DSCAM: variants seen among roughly 807,000 people sequenced by gnomAD.
DSCAM encodes DS cell adhesion molecule.
Under a neutral mutation model 217.7 loss-of-function variants are expected in DSCAM, and 47 were observed. The observed-to-expected ratio is 0.22, with a 90% confidence interval of 0.17 to 0.28. The LOEUF (loss-of-function observed/expected upper bound fraction) is 0.28. DSCAM is among the 10% of genes least tolerant of loss of function. DSCAM has a pLI of 1.00. For synonymous variants in DSCAM, 1,056 were observed against 1,015.3 expected, an observed-to-expected ratio of 1.04 and a Z score of -0.76; for missense variants, 2,080 against 2,618.3, an observed-to-expected ratio of 0.79 and a Z score of 4.49.
At chr21:40,740,373 C>T (rs960626947) in intron 1 of DSCAM, among the ~76,000 whole-genome samples, 4 of 152,156 alleles carry the variant, frequency 2.6e-5, no homozygotes, top group African/African-American at 9.7e-5. Flanking sequence ...AAACTAACGG[C>T]AGCCCAGGTA....
At chr21:40,342,534 T>C (rs2074504192) in intron 6 of DSCAM, among the ~76,000 whole-genome samples, 1 of 150,830 alleles carries the variant, frequency 6.6e-6, no homozygotes, top group Non-Finnish European at 1.5e-5. Flanking sequence ...TAGGGATTAA[T>C]ACTCATTTTT....
intron 19 of DSCAM, among the ~76,000 whole-genome samples, chr21:40,129,161 T>C (rs984364789): frequency 2.0e-5 from 3 of 152,184 alleles, no homozygotes; most frequent in South Asian, 2.1e-4. Flanking sequence ...CATGTACATA[T>C]GTGGTACACC....
rs200386374 is a variant in DSCAM, at chr21:40,078,925, G to A, written c.4473C>T (p.Arg1491=). ...TCCAGCCAATGAGGTTCAGCCTCAC[G>A]CGTGTGGTGTTGATGCTGGCAAACA... ...QELFASINTT[R]VRLNLIGWND... is the part of the protein sequence containing the mutation. The change falls in exon 26 of 33, where the codon CGC becomes CGT. Residue 1491 remains arginine, a synonymous_variant. Coordinates refer to ENST00000400454, the MANE Select transcript of DSCAM (RefSeq NM_001389.5). 1.1e-4 allele frequency: 173 copies of A among 1,614,108 alleles called. No homozygotes were observed. The highest frequency in any genetic ancestry group is 2.7e-4 in the Admixed American group (16 of 60,012).
In DSCAM at chr21:40,839,461, C is replaced by T. The variant is rs145678774; in HGVS notation, c.43+7158G>A. Among the ~76,000 whole-genome samples the T allele has an allele frequency of 2.0e-3, 309 of 152,312 alleles. 2 individuals carry two copies. The highest frequency in any genetic ancestry group is 6.8e-3 in the Middle Eastern group (2 of 294). On this transcript the variant is annotated intron_variant, in intron 1 of 32. Coordinates refer to ENST00000400454, the MANE Select transcript of DSCAM (RefSeq NM_001389.5). Reference sequence around the variant, plus strand: ...CAGTGCTGCAAGTTCAATGTCCTCCCTTCACCTCCAGTCTTTTGTTCAGAC... The same window carrying T: ...CAGTGCTGCAAGTTCAATGTCCTCCTTTCACCTCCAGTCTTTTGTTCAGAC...
chr21:40,100,775 CTG>C (rs2089740164), intron 20 of DSCAM, among the ~76,000 whole-genome samples: 1 of 151,956 alleles, frequency 6.6e-6, no homozygotes, highest in Non-Finnish European at 1.5e-5. Flanking sequence ...AAGGAGAAAT[CTG>C]TGGGGAAGCA....
At chr21:40,797,364 C>G (rs533151771) in intron 1 of DSCAM, among the ~76,000 whole-genome samples, 1 of 152,110 alleles carries the variant, frequency 6.6e-6, no homozygotes, top group Non-Finnish European at 1.5e-5. Flanking sequence ...TGTTGCGAAA[C>G]CCAGTAGCAG....
intron 1 of DSCAM, among the ~76,000 whole-genome samples, chr21:40,816,863 A>G (rs938312365): frequency 6.6e-6 from 1 of 152,216 alleles, no homozygotes; most frequent in Admixed American, 6.5e-5. Context: ...AGTTTCCCCA[A>G]AATAAAGCTA....
chr21:40,693,956 C>T (rs530841811), intron 2 of DSCAM, among the ~76,000 whole-genome samples: 60 of 152,132 alleles, frequency 3.9e-4, no homozygotes, highest in Admixed American at 9.2e-4. Flanking sequence ...TGAGCAAATC[C>T]TCTCACCATC....
chr21:40,476,989 G>A (rs1869275423), intron 3 of DSCAM, among the ~76,000 whole-genome samples: 1 of 152,070 alleles, frequency 6.6e-6, no homozygotes, highest in Admixed American at 6.6e-5. Flanking sequence ...GTACAAATAA[G>A]TATATTTTAT....
At chr21:40,317,366 T>A (rs978007250) in intron 8 of DSCAM, among the ~76,000 whole-genome samples, 5 of 152,200 alleles carry the variant, frequency 3.3e-5, no homozygotes, top group Non-Finnish European at 4.4e-5. Flanking sequence ...AAAACTCTTG[T>A]ATGGAATTTA....
intron 3 of DSCAM, among the ~76,000 whole-genome samples, chr21:40,521,895 G>A (rs2076362244): frequency 6.6e-6 from 1 of 152,120 alleles, no homozygotes. Context: ...CTGAGGTGAT[G>A]GATATGCTAA....
At chr21:40,660,107 G>A (rs2090123092) in intron 3 of DSCAM, among the ~76,000 whole-genome samples, 3 of 152,192 alleles carry the variant, frequency 2.0e-5, no homozygotes, top group African/African-American at 7.2e-5. Context: ...ACAGGAGGTA[G>A]ATATGATTAT....
chr21:40,390,347 A>T (rs143649163), intron 3 of DSCAM, among the ~76,000 whole-genome samples: 29 of 152,306 alleles, frequency 1.9e-4, no homozygotes, highest in African/African-American at 7.0e-4. Context: ...CAATCAAGAG[A>T]TGACAATCTC....
At chr21:40,316,937 T>C (rs1183209706) in intron 8 of DSCAM, among the ~76,000 whole-genome samples, 1 of 152,232 alleles carries the variant, frequency 6.6e-6, no homozygotes, top group Non-Finnish European at 1.5e-5. Context: ...TATAAGACTT[T>C]GATAAAATCA....
At chr21:40,671,692 CAAA>C (rs71330402) in intron 3 of DSCAM, among the ~76,000 whole-genome samples, 4 of 108,948 alleles carry the variant, frequency 3.7e-5, no homozygotes, top group Admixed American at 1.0e-4. Context: ...ATTCCTTAAA[CAAA>C]AAAAAAAAAA....
chr21:40,310,109 A>G (rs902388616), intron 9 of DSCAM, among the ~76,000 whole-genome samples: 13 of 152,236 alleles, frequency 8.5e-5, no homozygotes, highest in African/African-American at 2.7e-4. Context: ...TATTTAATTG[A>G]CAGGAGCTTC....
chr21:40,547,077 C>A (rs151021605), intron 3 of DSCAM, among the ~76,000 whole-genome samples: 4 of 152,158 alleles, frequency 2.6e-5, no homozygotes, highest in African/African-American at 2.4e-5. Context: ...GCAGCCCAAC[C>A]TTGGTCATGG....
intron 11 of DSCAM, among the ~76,000 whole-genome samples, chr21:40,266,490 G>A (rs937711687): frequency 4.6e-5 from 7 of 151,236 alleles, no homozygotes; most frequent in African/African-American, 1.5e-4. Flanking sequence ...TCCAGCAATC[G>A]CACTACTGGG....
At chr21:40,631,243 C>T (rs1181328294) in intron 3 of DSCAM, among the ~76,000 whole-genome samples, 3 of 152,150 alleles carry the variant, frequency 2.0e-5, no homozygotes, top group Non-Finnish European at 4.4e-5. Context: ...GCTCTATCTG[C>T]CCCATGTCAT....
Sources: gnomAD v4.1 joint callset for allele counts (sites outside exome capture counted in the v4.1 genomes callset) on GRCh38, gnomAD v4.1.1 for gene constraint, MANE v1.5 for transcripts, NCBI Gene and HGNC (gene_info 2026-07-23, HGNC 2026-07-21) for gene names.